BST1: variants seen among roughly 807,000 people sequenced by gnomAD.
BST1 encodes the protein ADP-ribosyl cyclase/cyclic ADP-ribose hydrolase 2.
A neutral mutation model predicts 40.6 loss-of-function variants in BST1; 49 were observed. The observed-to-expected ratio is 1.21, with a 90% CI of 0.96 to 1.53. BST1 has a LOEUF of 1.53. BST1 is among the 40% of genes most tolerant of loss of function. The pLI is 0.00. For missense variants in BST1, 423 were observed against 395.9 expected, an observed-to-expected ratio of 1.07 and a Z score of -0.58; for synonymous variants, 157 against 159.3, an observed-to-expected ratio of 0.99 and a Z score of 0.11.
intron 1 of BST1, 79 bp downstream of exon 1, chr4:15,703,411 T>G: frequency 6.9e-7 from 1 of 1,444,554 alleles, no homozygotes; most frequent in African/African-American, 1.5e-5. Context: ...AAACTGGCGC[T>G]AAAGTTCGGG....
At chr4:15,743,665 G>C in the BST1 span, 44 of 194,154 alleles carry the variant, frequency 2.3e-4, no homozygotes, top group African/African-American at 1.0e-3. Flanking sequence ...GAAACAGTCT[G>C]TCTTCTGCCC....
At chr4:15,767,921 C>G in the BST1 span, among the ~76,000 whole-genome samples, 24 of 152,098 alleles carry the variant, frequency 1.6e-4, no homozygotes, top group Non-Finnish European at 2.5e-4. Flanking sequence ...ATGCTCAGCC[C>G]CCTTGTAGTT....
chr4:15,748,720 A>G, the BST1 span, among the ~76,000 whole-genome samples: 1 of 152,170 alleles, frequency 6.6e-6, no homozygotes, highest in Non-Finnish European at 1.5e-5. Flanking sequence ...CTGACTTCAC[A>G]CTACACCCGA....
In BST1 at chr4:15,717,622, A is replaced by G. The variant is rs1383668903; in HGVS notation, c.705-1285A>G. Among the ~76,000 whole-genome samples the G allele has an allele frequency of 2.6e-5, 4 of 152,250 alleles. No homozygotes were observed. In the East Asian group the frequency reaches 7.7e-4, roughly 29 times the overall value. ...CTTTGATGCTAGAAAACCTACTTTC[A>G]TGAATTTATGCCAAGGGAACAAATA... On this transcript the variant is annotated intron_variant, in intron 6 of 8. Coordinates refer to ENST00000265016, the MANE Select transcript of BST1 (RefSeq NM_004334.3).
chr4:15,736,928 G>A (rs953705938), downstream of BST1, among the ~76,000 whole-genome samples: 1 of 152,106 alleles, frequency 6.6e-6, no homozygotes, highest in African/African-American at 2.4e-5. Context: ...AGAACCTTGG[G>A]TTTGGGGAAT....
chr4:15,716,471 G>A (rs1479137297), intron 6 of BST1, among the ~76,000 whole-genome samples: 1 of 152,140 alleles, frequency 6.6e-6, no homozygotes, highest in East Asian at 1.9e-4. Flanking sequence ...CAGTCCCTCC[G>A]TGCTACATGG....
At chr4:15,738,246 C>T (rs1256181061) in exon 7 of BST1, 1 of 153,358 alleles carries the variant, frequency 6.5e-6, no homozygotes, top group African/African-American at 2.4e-5. Flanking sequence ...AAGCTCTGTA[C>T]TTTCTGCTCA....
At chr4:15,750,863 C>T in the BST1 span, among the ~76,000 whole-genome samples, 3 of 152,038 alleles carry the variant, frequency 2.0e-5, no homozygotes, top group Non-Finnish European at 2.9e-5. Flanking sequence ...ATATATGGCT[C>T]ATATTATATT....
chr4:15,715,372 C>T lies in BST1; in HGVS notation c.611+11C>T. 1 of 1,612,970 alleles carries T rather than the reference C, an allele frequency of 6.2e-7. No individual in the cohort carries two copies. Among genetic ancestry groups the T allele is most frequent in the Non-Finnish European group, 8.5e-7 (1 of 1,179,038 alleles). ...CTATCCCATCAAAGGGTAAGAACAC[C>T]AGCACATTCAAACACAAGAGAGAAT... On this transcript the variant is annotated intron_variant, in intron 5 of 8. Coordinates refer to ENST00000265016, the MANE Select transcript of BST1 (RefSeq NM_004334.3).
chr4:15,765,926 C>CTTTGTTT, the BST1 span, among the ~76,000 whole-genome samples: 1 of 152,008 alleles, frequency 6.6e-6, no homozygotes, highest in Non-Finnish European at 1.5e-5. Flanking sequence ...AAGCTTCTGG[C>CTTTGTTT]AACCGAATTT....
chr4:15,721,255 C>A (rs1720793713), intron 7 of BST1, among the ~76,000 whole-genome samples: 1 of 152,198 alleles, frequency 6.6e-6, no homozygotes, highest in Non-Finnish European at 1.5e-5. Context: ...GCATTGCCTT[C>A]TGCCCCACAT....
chr4:15,722,415 G>A (rs1429942153), intron 7 of BST1, among the ~76,000 whole-genome samples: 1 of 151,976 alleles, frequency 6.6e-6, no homozygotes, highest in Non-Finnish European at 1.5e-5. Flanking sequence ...ATAAATGCTG[G>A]CTAATATTTT....
At chr4:15,721,393 T>C (rs1720800272) in intron 7 of BST1, among the ~76,000 whole-genome samples, 1 of 152,230 alleles carries the variant, frequency 6.6e-6, no homozygotes. Flanking sequence ...ACTCCATACC[T>C]GTTTTTGGGC....
chr4:15,771,418 C>A, the BST1 span, among the ~76,000 whole-genome samples: 1 of 152,198 alleles, frequency 6.6e-6, no homozygotes, highest in African/African-American at 2.4e-5. Context: ...AGCCAAGCTT[C>A]TTGCCTGCAG....
At chr4:15,723,450 G>C (rs570830938) in intron 8 of BST1, 3 of 546,318 alleles carry the variant, frequency 5.5e-6, no homozygotes, top group Non-Finnish European at 4.7e-6. Flanking sequence ...GGGTTTCACC[G>C]TGTTAGCCAG....
At chr4:15,720,842 C>T (rs746954510) in intron 7 of BST1, among the ~76,000 whole-genome samples, 9 of 152,060 alleles carry the variant, frequency 5.9e-5, no homozygotes, top group Non-Finnish European at 1.2e-4. Context: ...AACAAACAAA[C>T]AAACAACAAC....
the BST1 span, among the ~76,000 whole-genome samples, chr4:15,745,310 G>C: frequency 6.6e-6 from 1 of 152,004 alleles, no homozygotes; most frequent in Non-Finnish European, 1.5e-5. Context: ...GCAATTTGTA[G>C]GTTTATGTTG....
At chr4:15,750,554 C>T in the BST1 span, among the ~76,000 whole-genome samples, 1 of 152,162 alleles carries the variant, frequency 6.6e-6, no homozygotes, top group Admixed American at 6.5e-5. Flanking sequence ...AACTACTATC[C>T]AGAACTATGC....
At position 15,703,250 on chromosome 4, in the gene BST1, G is replaced by C. The variant is rs762139985; in HGVS notation, c.106G>C (p.Gly36Arg). 3.2e-6 allele frequency: 5 copies of C among 1,542,240 alleles called. No individual in the cohort carries two copies. Among genetic ancestry groups the C allele is most frequent in the Middle Eastern group, 3.7e-4 (2 of 5,420 alleles). Residue 36 changes from glycine (G) to arginine (R), a missense_variant, in exon 1 of 9, where the codon GGG (glycine) becomes CGG (arginine). Gly to Arg is a moderately radical substitution (Grantham distance 125, BLOSUM62 -2). Coordinates refer to ENST00000265016, the MANE Select transcript of BST1 (RefSeq NM_004334.3). ...AAGGARARWR[G>R]EGTSAHLRDI... Reference sequence around the variant, plus strand: ...GGGCGGGGCGCGCGCGCGGTGGCGCGGGGAGGGCACCAGCGCACACTTGCG... The same window carrying C: ...GGGCGGGGCGCGCGCGCGGTGGCGCCGGGAGGGCACCAGCGCACACTTGCG...
Sources: gnomAD v4.1 joint callset for allele counts (sites outside exome capture counted in the v4.1 genomes callset) on GRCh38, gnomAD v4.1.1 for gene constraint, MANE v1.5 for transcripts, NCBI Gene and HGNC (gene_info 2026-07-23, HGNC 2026-07-21) for gene names.